Variants in PANK3 observed in about 807,000 individuals in gnomAD.
PANK3 encodes pantothenate kinase 3.
PANK3 carries 20 observed loss-of-function variants against 39.4 expected under a neutral mutation model. That is an observed-to-expected ratio of 0.51 (90% CI 0.36 to 0.74). The LOEUF is 0.74. PANK3 is among the 30% of genes least tolerant of loss of function. The probability of loss-of-function intolerance (pLI) is 0.00; values close to 1 mark genes in which losing one functional copy is unlikely to be tolerated. For missense variants in PANK3, 265 were observed against 437.0 expected, an observed-to-expected ratio of 0.61 and a Z score of 3.51; for synonymous variants, 140 against 157.3, an observed-to-expected ratio of 0.89 and a Z score of 0.82.
intron 5 of PANK3, chr5:168,561,055 G>T: frequency 3.5e-6 from 1 of 282,546 alleles, no homozygotes; most frequent in Non-Finnish European, 8.0e-6. Flanking sequence ...CCTTCCAAAT[G>T]CAAAATTAAG....
In PANK3 at chr5:168,554,005, T is replaced by G. The variant is rs1745902765; in HGVS notation, c.*3566A>C. 1.3e-5 allele frequency: 2 copies of G among 152,222 alleles called. No homozygotes were observed. Among genetic ancestry groups the G allele is most frequent in the Admixed American group, 1.3e-4 (2 of 15,286 alleles). The allele number at this position is 152,222 out of a possible 1,614,324, so 9.4% of individuals were successfully genotyped here. Reference sequence around the variant, plus strand: ...CTAATAGATGAGCTATTTTGAAACTTTGTGGGAGTCTGAGGCAATACTGCA... The same window carrying G: ...CTAATAGATGAGCTATTTTGAAACTGTGTGGGAGTCTGAGGCAATACTGCA... On this transcript the variant is annotated 3_prime_UTR_variant, in exon 7 of 7. Coordinates refer to ENST00000239231, the MANE Select transcript of PANK3 (RefSeq NM_024594.4).
Position 168,554,184 on chromosome 5 carries a change from T to G in PANK3, c.*3387A>C, listed in dbSNP as rs1052394699. The G allele has an allele frequency of 6.6e-6, 1 of 152,202 alleles. No homozygotes were observed. The highest frequency in any genetic ancestry group is 1.5e-5 in the Non-Finnish European group (1 of 68,032). 9.4% of individuals were successfully genotyped at this position (152,202 alleles called of 1,614,324 possible). On this transcript the variant is annotated 3_prime_UTR_variant, in exon 7 of 7. Transcript: ENST00000239231. The stretch of plus-strand genomic sequence containing the variant: ...TATGTTGGCAAGTTAACACTGGAGG[T>G]CCAATAGTTTAGTGAAGTTGTTTTG...
At chr5:168,572,936 G>T (rs370071606) in intron 1 of PANK3, among the ~76,000 whole-genome samples, 1 of 152,138 alleles carries the variant, frequency 6.6e-6, no homozygotes, top group South Asian at 2.1e-4. Flanking sequence ...TTTGTGGTAA[G>T]GGGTGATATT....
intron 5 of PANK3, chr5:168,561,013 A>G: frequency 2.1e-6 from 1 of 476,420 alleles, no homozygotes; most frequent in Non-Finnish European, 4.5e-6. Flanking sequence ...ATGCAACATT[A>G]AGCACTGGTG....
Position 168,552,690 on chromosome 5 carries a change from A to C in PANK3, c.*4881T>G. On this transcript the variant is annotated 3_prime_UTR_variant, in exon 7 of 7. Coordinates refer to ENST00000239231, the MANE Select transcript of PANK3 (RefSeq NM_024594.4). Reference sequence around the variant, plus strand: ...CTCATCCTTTAATAACAAAGAAACAATCATGAGGACAGAACAAAACGCCAT... The same window carrying C: ...CTCATCCTTTAATAACAAAGAAACACTCATGAGGACAGAACAAAACGCCAT... 4.9e-6 allele frequency: 1 copy of C among 202,874 alleles called. No individual in the cohort carries two copies. Among genetic ancestry groups the C allele is most frequent in the South Asian group, 1.1e-4 (1 of 8,756 alleles). The allele number at this position is 202,874 out of a possible 1,614,324, so 12.6% of individuals were successfully genotyped here.
intron 1 of PANK3, among the ~76,000 whole-genome samples, chr5:168,575,206 A>C (rs1306247694): frequency 6.6e-6 from 1 of 152,198 alleles, no homozygotes; most frequent in Non-Finnish European, 1.5e-5. Context: ...CTCTTATTCT[A>C]TGTCTCAAGT....
chr5:168,565,543 T>A (rs1759510571), intron 3 of PANK3, among the ~76,000 whole-genome samples: 1 of 151,910 alleles, frequency 6.6e-6, no homozygotes, highest in African/African-American at 2.4e-5. Flanking sequence ...ATAATAAAGT[T>A]TAAAATCAAT....
intron 3 of PANK3, 81 bp downstream of exon 3, chr5:168,565,932 A>G (rs34178624): frequency 0.16 from 201,702 of 1,235,912 alleles, 18,541 homozygotes; most frequent in Non-Finnish European, 0.18. Context: ...TTACTGGTGA[A>G]AATGACATTA....
At chr5:168,565,884 TA>T (rs202101977) in intron 3 of PANK3, 128 bp downstream of exon 3, 23 of 234,124 alleles carry the variant, frequency 9.8e-5, no homozygotes, top group Non-Finnish European at 1.4e-4. Context: ...TATATATATA[TA>T]TTTTTTTTTT....
Position 168,554,357 on chromosome 5 carries a change from C to G in PANK3, c.*3214G>C, listed in dbSNP as rs1759317728. On this transcript the variant is annotated 3_prime_UTR_variant, in exon 7 of 7. Transcript: ENST00000239231. ...GTATCACTATGGGTTTTTTTGTTTA[C>G]AGACCGCAGGTTTACTTAATAGTTT... 1.3e-5 allele frequency: 2 copies of G among 152,132 alleles called. No individual in the cohort carries two copies. The highest frequency in any genetic ancestry group is 1.3e-4 in the Admixed American group (2 of 15,278). The allele number at this position is 152,132 out of a possible 1,614,324, so 9.4% of individuals were successfully genotyped here. A position where few individuals can be genotyped will look rare whatever the true frequency, so the allele number is the denominator to read the frequency against.
intron 1 of PANK3, among the ~76,000 whole-genome samples, chr5:168,574,192 T>A (rs1322396835): frequency 6.6e-6 from 1 of 150,600 alleles, no homozygotes; most frequent in Non-Finnish European, 1.5e-5. Context: ...GTTTCCTGAC[T>A]TTTTAATGAT....
intron 1 of PANK3, among the ~76,000 whole-genome samples, chr5:168,570,175 G>A (rs909940304): frequency 3.9e-5 from 6 of 152,062 alleles, no homozygotes; most frequent in Admixed American, 6.5e-5. Flanking sequence ...GAGGTCAGGA[G>A]ATCGAGACCT....
chr5:168,549,356 A>C lies in PANK3; in HGVS notation c.*8215T>G, dbSNP rs1421641257. 6.6e-6 allele frequency: 1 copy of C among 152,182 alleles called. No homozygotes were observed. The highest frequency in any genetic ancestry group is 1.5e-5 in the Non-Finnish European group (1 of 68,024). The allele number at this position is 152,182 out of a possible 1,614,324, so 9.4% of individuals were successfully genotyped here. On this transcript the variant is annotated 3_prime_UTR_variant, in exon 7 of 7. Transcript: ENST00000239231. Reference sequence around the variant, plus strand: ...ACTGAGCCAGGTACAACATCGATGAAATTCAGACATACAATGTAAAGTTGA... The same window carrying C: ...ACTGAGCCAGGTACAACATCGATGACATTCAGACATACAATGTAAAGTTGA...
chr5:168,550,767 T>A lies in PANK3; in HGVS notation c.*6804A>T, dbSNP rs1759263371. On this transcript the variant is annotated 3_prime_UTR_variant, in exon 7 of 7. Transcript: ENST00000239231. The stretch of plus-strand genomic sequence containing the variant: ...ACTTTAGTTATCTCAAACACAGCCA[T>A]GAATGAAGCAATTTTCTCAGGACCC... 6.6e-6 allele frequency: 1 copy of A among 150,648 alleles called. No individual in the cohort carries two copies. Among genetic ancestry groups the A allele is most frequent in the South Asian group, 2.1e-4 (1 of 4,812 alleles). 9.3% of individuals were successfully genotyped at this position (150,648 alleles called of 1,614,324 possible). A position where few individuals can be genotyped will look rare whatever the true frequency, so the allele number is the denominator to read the frequency against.
At chr5:168,571,379 T>G (rs1346485966) in intron 1 of PANK3, among the ~76,000 whole-genome samples, 1 of 152,198 alleles carries the variant, frequency 6.6e-6, no homozygotes, top group Non-Finnish European at 1.5e-5. Flanking sequence ...TAATCCTCAG[T>G]ACCCCCACTA....
At chr5:168,575,363 G>C (rs1759715209) in intron 1 of PANK3, among the ~76,000 whole-genome samples, 1 of 152,184 alleles carries the variant, frequency 6.6e-6, no homozygotes, top group Non-Finnish European at 1.5e-5. Flanking sequence ...ATACTAAACA[G>C]CAGAAGCTAT....
Position 168,549,144 on chromosome 5 carries a change from T to C in PANK3, c.*8427A>G, listed in dbSNP as rs1759237337. The C allele has an allele frequency of 6.6e-6, 1 of 152,166 alleles. No individual in the cohort carries two copies. The highest frequency in any genetic ancestry group is 6.5e-5 in the Admixed American group (1 of 15,270). The allele number at this position is 152,166 out of a possible 1,614,324, so 9.4% of individuals were successfully genotyped here. A position where few individuals can be genotyped will look rare whatever the true frequency, so the allele number is the denominator to read the frequency against. On this transcript the variant is annotated 3_prime_UTR_variant, in exon 7 of 7. Coordinates refer to ENST00000239231, the MANE Select transcript of PANK3 (RefSeq NM_024594.4). The stretch of plus-strand genomic sequence containing the variant: ...AAAGCACACAGTGTATAAAAAATAA[T>C]AAAAACCATCTTAATATTGCTTACA...
chr5:168,566,331 T>G, intron 2 of PANK3, 65 bp from the exon 3 acceptor site: 7 of 1,491,706 alleles, frequency 4.7e-6, no homozygotes, highest in Non-Finnish European at 6.3e-6. Flanking sequence ...TATATGATTT[T>G]CCTGTATTAC....
chr5:168,564,966 T>C (rs1759502220), intron 3 of PANK3, among the ~76,000 whole-genome samples: 1 of 152,222 alleles, frequency 6.6e-6, no homozygotes, highest in African/African-American at 2.4e-5. Flanking sequence ...ATTCCTAAAC[T>C]GTAAACCTTT....
Sources: gnomAD v4.1 joint callset for allele counts (sites outside exome capture counted in the v4.1 genomes callset) on GRCh38, gnomAD v4.1.1 for gene constraint, MANE v1.5 for transcripts, NCBI Gene and HGNC (gene_info 2026-07-23, HGNC 2026-07-21) for gene names.